The following EYA3 variants were observed in gnomAD, a reference collection of about 807,000 sequenced individuals.
EYA3 encodes protein phosphatase EYA3.
EYA3 carries 39 observed loss-of-function variants against 80.0 expected under a neutral mutation model. That is an observed-to-expected ratio of 0.49 (90% confidence interval 0.38 to 0.64). The LOEUF (loss-of-function observed/expected upper bound fraction) is 0.64, where lower values mean the gene tolerates loss of function less well. Among genes scored for constraint, EYA3 ranks in the 30% least tolerant of loss-of-function variants. The pLI is 0.00. For synonymous variants in EYA3, 206 were observed against 232.8 expected (o/e 0.88, Z 1.05); for missense variants, 523 against 676.1 (o/e 0.77, Z 2.51).
chr1:28,024,348 A>G (rs1642643239), intron 7 of EYA3, among the ~76,000 whole-genome samples: 1 of 148,038 alleles, frequency 6.8e-6, no homozygotes, highest in African/African-American at 2.7e-5. Flanking sequence ...ACTAGAGTAC[A>G]AAGACACTCA....
chr1:28,053,959 A>G (rs1316828486), intron 2 of EYA3, among the ~76,000 whole-genome samples: 1 of 152,208 alleles, frequency 6.6e-6, no homozygotes, highest in Non-Finnish European at 1.5e-5. Flanking sequence ...GTGCTAGGTA[A>G]ATTGTAATCT....
At chr1:28,084,396 A>G (rs941982125) in intron 1 of EYA3, among the ~76,000 whole-genome samples, 1 of 151,338 alleles carries the variant, frequency 6.6e-6, no homozygotes, top group Non-Finnish European at 1.5e-5. Flanking sequence ...GGTAGTTTAG[A>G]GCTTAAGCCA....
chr1:27,976,375 G>A (rs888668986), intron 17 of EYA3, among the ~76,000 whole-genome samples: 14 of 152,060 alleles, frequency 9.2e-5, no homozygotes, highest in African/African-American at 3.1e-4. Flanking sequence ...TACGAGAATC[G>A]CTTGAACCCA....
At chr1:28,067,912 G>A (rs1644889535) in intron 1 of EYA3, among the ~76,000 whole-genome samples, 2 of 152,112 alleles carry the variant, frequency 1.3e-5, no homozygotes, top group Non-Finnish European at 1.5e-5. Flanking sequence ...TTATTTTAAA[G>A]TTGAGGAAAT....
At chr1:28,035,959 C>T (rs948651439) in intron 5 of EYA3, among the ~76,000 whole-genome samples, 13 of 152,132 alleles carry the variant, frequency 8.5e-5, no homozygotes, top group Middle Eastern at 3.2e-3. Context: ...GGATTACAGG[C>T]ACCCACCACC....
chr1:28,051,937 C>T (rs1644265094), intron 2 of EYA3, among the ~76,000 whole-genome samples: 1 of 149,080 alleles, frequency 6.7e-6, no homozygotes, highest in Non-Finnish European at 1.5e-5. Context: ...TGAAAGTGAC[C>T]CAGAATAGCT....
chr1:28,057,281 T>A (rs527444743), intron 2 of EYA3, among the ~76,000 whole-genome samples: 1 of 152,198 alleles, frequency 6.6e-6, no homozygotes, highest in African/African-American at 2.4e-5. Context: ...TTTCATAAAG[T>A]AAACATGTAC....
At chr1:28,030,634 T>G (rs898522112) in intron 6 of EYA3, among the ~76,000 whole-genome samples, 4 of 152,194 alleles carry the variant, frequency 2.6e-5, no homozygotes, top group Non-Finnish European at 5.9e-5. Flanking sequence ...TATTCTTTTC[T>G]CATCTATTAA....
intron 1 of EYA3, among the ~76,000 whole-genome samples, chr1:28,070,432 G>C (rs948942014): frequency 6.6e-6 from 1 of 151,902 alleles, no homozygotes; most frequent in African/African-American, 2.4e-5. Flanking sequence ...CGTGGTGGTG[G>C]GCACCTGTAA....
intron 1 of EYA3, among the ~76,000 whole-genome samples, chr1:28,084,554 AAAATATATATATAT>A (rs1446007448): frequency 1.4e-4 from 8 of 58,118 alleles, no homozygotes; most frequent in African/African-American, 5.3e-4. Context: ...TGACTATTCC[AAAATATATATATAT>A]ATATATATAT....
At chr1:28,074,371 A>G (rs929062840) in intron 1 of EYA3, among the ~76,000 whole-genome samples, 1 of 152,210 alleles carries the variant, frequency 6.6e-6, no homozygotes, top group African/African-American at 2.4e-5. Context: ...TTCAATTTCC[A>G]TAACTGTGAG....
At chr1:27,996,601 T>C (rs1045302570) in intron 13 of EYA3, among the ~76,000 whole-genome samples, 2 of 152,202 alleles carry the variant, frequency 1.3e-5, no homozygotes, top group African/African-American at 4.8e-5. Context: ...TAGGTCCTTA[T>C]TAAGGTGGTA....
At chr1:28,032,215 T>G (rs1390960996) in intron 6 of EYA3, 1 of 152,252 alleles carries the variant, frequency 6.6e-6, no homozygotes, top group East Asian at 1.9e-4. Context: ...AAATTGGTAT[T>G]ACAACATTGT....
At chr1:27,991,568 A>G (rs1457562098) in intron 14 of EYA3, among the ~76,000 whole-genome samples, 2 of 152,224 alleles carry the variant, frequency 1.3e-5, no homozygotes, top group Non-Finnish European at 2.9e-5. Flanking sequence ...ACTCCATAAA[A>G]GCAGATGGCA....
At chr1:28,075,740 A>G (rs992919330) in intron 1 of EYA3, among the ~76,000 whole-genome samples, 2 of 152,144 alleles carry the variant, frequency 1.3e-5, no homozygotes, top group African/African-American at 4.8e-5. Flanking sequence ...TCAGTTCTTC[A>G]TATTTGTTTA....
intron 10 of EYA3, among the ~76,000 whole-genome samples, chr1:28,010,519 TAGGTGGGACTAC>T (rs1641614960): frequency 6.6e-6 from 1 of 152,032 alleles, no homozygotes; most frequent in Non-Finnish European, 1.5e-5. Context: ...GCCTCCCAAG[TAGGTGGGACTAC>T]AGGTGTGCAG....
chr1:28,071,204 G>A (rs780530927), intron 1 of EYA3, among the ~76,000 whole-genome samples: 10 of 152,144 alleles, frequency 6.6e-5, no homozygotes, highest in South Asian at 2.1e-4. Context: ...GATTACAGGC[G>A]TGAGCCACTA....
At chr1:28,031,284 C>T (rs560388415) in intron 6 of EYA3, among the ~76,000 whole-genome samples, 31 of 152,204 alleles carry the variant, frequency 2.0e-4, no homozygotes, top group Non-Finnish European at 4.3e-4. Context: ...AAAAGCAACC[C>T]TCCCAGAATT....
At chr1:28,038,086 C>CTT (rs4068839) in intron 5 of EYA3, among the ~76,000 whole-genome samples, 52,929 of 151,754 alleles carry the variant, frequency 0.35, 9,465 homozygotes, top group East Asian at 0.5. Context: ...CTCTTAGTGA[C>CTT]TAACCCACCA....
Sources: allele counts gnomAD v4.1 joint callset (sites outside exome capture counted in the v4.1 genomes callset), GRCh38; gene constraint gnomAD v4.1.1; transcripts MANE v1.5; gene names NCBI Gene and HGNC (gene_info 2026-07-23, HGNC 2026-07-21).